CCDC102B: variants seen among roughly 807,000 people sequenced by gnomAD.
CCDC102B encodes the protein coiled-coil domain containing 102B, also known as coiled-coil domain-containing protein 102B.
CCDC102B carries 75 observed loss-of-function variants against 57.4 expected under a neutral mutation model. The observed-to-expected ratio is 1.31, with a 90% CI of 1.08 to 1.58. CCDC102B has a LOEUF of 1.58. CCDC102B is among the 40% of genes most tolerant of loss of function. The pLI is 0.00. For missense variants in CCDC102B, 636 were observed against 582.6 expected (o/e 1.09, Z -0.94); for synonymous variants, 206 against 201.9 (o/e 1.02, Z -0.17).
chr18:68,846,169 A>G (rs946781489), intron 3 of CCDC102B, 144 bp from the exon 4 acceptor site: 4 of 416,370 alleles, frequency 9.6e-6, no homozygotes, highest in East Asian at 7.6e-5. Context: ...ATAATTTTTA[A>G]TGAGTTGCAA....
chr18:68,813,290 C>T (rs900400290), intron 1 of CCDC102B, among the ~76,000 whole-genome samples: 3 of 152,070 alleles, frequency 2.0e-5, no homozygotes, highest in African/African-American at 7.2e-5. Flanking sequence ...CCTCCCCAGT[C>T]ATGTGGAAAT....
At chr18:68,767,045 G>C (rs1335112880) in intron 2 of CCDC102B, among the ~76,000 whole-genome samples, 1 of 152,202 alleles carries the variant, frequency 6.6e-6, no homozygotes, top group Non-Finnish European at 1.5e-5. Context: ...AACTGGAAAT[G>C]TAATATGCTC....
At chr18:68,732,351 C>T (rs1787261) in intron 2 of CCDC102B, among the ~76,000 whole-genome samples, 107,807 of 147,730 alleles carry the variant, frequency 0.73, 42,401 homozygotes, top group South Asian at 0.9. Context: ...TTTTTTTTCT[C>T]TCTCTCTTTT....
chr18:68,925,198 T>C (rs1290144304), intron 6 of CCDC102B, among the ~76,000 whole-genome samples: 2 of 152,108 alleles, frequency 1.3e-5, no homozygotes, highest in Non-Finnish European at 2.9e-5. Flanking sequence ...TAGAAATATG[T>C]ATAAAACTAT....
chr18:68,879,051 G>A (rs2039568568), intron 5 of CCDC102B, among the ~76,000 whole-genome samples: 1 of 151,974 alleles, frequency 6.6e-6, no homozygotes, highest in Non-Finnish European at 1.5e-5. Context: ...GAGTGAAGCT[G>A]CAGACCTTCG....
At chr18:69,041,711 A>G (rs887290630) in intron 7 of CCDC102B, among the ~76,000 whole-genome samples, 2 of 151,968 alleles carry the variant, frequency 1.3e-5, no homozygotes, top group Non-Finnish European at 2.9e-5. Flanking sequence ...AATTTTTTCA[A>G]ATAACCACCT....
At chr18:68,997,669 A>G (rs1421730021) in intron 6 of CCDC102B, among the ~76,000 whole-genome samples, 1 of 151,882 alleles carries the variant, frequency 6.6e-6, no homozygotes, top group Non-Finnish European at 1.5e-5. Context: ...GATCTTTTAT[A>G]TATTTATTTA....
chr18:68,834,454 T>TATATATATATATATATA (rs1568275774), intron 1 of CCDC102B, among the ~76,000 whole-genome samples: 4 of 146,866 alleles, frequency 2.7e-5, no homozygotes, highest in Non-Finnish European at 4.5e-5. Context: ...TATATATATA[T>TATATATATATATATATA]TTGCTGTGTT....
chr18:69,012,393 A>T (rs757185389), intron 7 of CCDC102B, among the ~76,000 whole-genome samples: 8 of 152,170 alleles, frequency 5.3e-5, no homozygotes, highest in Non-Finnish European at 1.2e-4. Context: ...TCGTGGACTA[A>T]TGAAGTGCTA....
chr18:68,758,556 A>G, intron 2 of CCDC102B, among the ~76,000 whole-genome samples: 1 of 152,028 alleles, frequency 6.6e-6, no homozygotes, highest in East Asian at 1.9e-4. Context: ...GTTATAATCT[A>G]TAATGTAAGC....
chr18:68,933,872 T>C (rs1199303510), intron 6 of CCDC102B, among the ~76,000 whole-genome samples: 2 of 151,720 alleles, frequency 1.3e-5, no homozygotes, highest in African/African-American at 4.8e-5. Flanking sequence ...CAAAGAAAAA[T>C]CCATAACAAC....
chr18:68,777,931 TG>T (rs1468951574), intron 2 of CCDC102B, among the ~76,000 whole-genome samples: 2 of 152,182 alleles, frequency 1.3e-5, no homozygotes, highest in African/African-American at 4.8e-5. Flanking sequence ...TCCCATTACT[TG>T]CTGTTAGGTT....
In CCDC102B at chr18:69,034,363, G is replaced by A. The variant is rs374904597; in HGVS notation, c.1435-19667G>A. Among the ~76,000 whole-genome samples, 6 of 151,928 alleles carry A rather than the reference G, an allele frequency of 3.9e-5. No homozygotes were observed. The East Asian group carries it at 9.7e-4, about 25-fold the overall frequency. On this transcript the variant is annotated intron_variant, in intron 7 of 7. Transcript: ENST00000360242. Reference sequence around the variant, plus strand: ...TTTTAGCTCTCACATTTGGGTCTATGATCTCTTCTGAGTTACCTTTGGGGA... The same window carrying A: ...TTTTAGCTCTCACATTTGGGTCTATAATCTCTTCTGAGTTACCTTTGGGGA...
intron 6 of CCDC102B, among the ~76,000 whole-genome samples, chr18:68,995,194 A>G (rs866269493): frequency 6.6e-6 from 1 of 152,162 alleles, no homozygotes; most frequent in East Asian, 1.9e-4. Flanking sequence ...GTTGGAACTT[A>G]TGTTTAAAAG....
rs151204242 is a variant in CCDC102B at position 69,026,352 on chromosome 18, A to G, written c.1434+15248A>G. On this transcript the variant is annotated intron_variant, in intron 7 of 7. Transcript: ENST00000360242. ...TATGGTGGTGCGGACCTGTAATCCC[A>G]GCTACTCAGGAGGCTGAGGCAGGAG... 4.3e-3 allele frequency among the ~76,000 whole-genome samples: 648 copies of G among 151,760 alleles called. 8 individuals carry two copies. Among genetic ancestry groups the G allele is most frequent in the South Asian group, 0.026 (126 of 4,790 alleles).
At chr18:68,980,521 A>T (rs1455576346) in intron 6 of CCDC102B, among the ~76,000 whole-genome samples, 1 of 151,976 alleles carries the variant, frequency 6.6e-6, no homozygotes, top group African/African-American at 2.4e-5. Flanking sequence ...AGAAAGATTA[A>T]TTTTTTGTTT....
At chr18:68,998,820 A>G (rs531912930) in intron 6 of CCDC102B, among the ~76,000 whole-genome samples, 1 of 152,106 alleles carries the variant, frequency 6.6e-6, no homozygotes, top group African/African-American at 2.4e-5. Flanking sequence ...GTGCCTACCC[A>G]GACTGAGGGT....
At chr18:68,969,721 A>G (rs1202414559) in intron 6 of CCDC102B, among the ~76,000 whole-genome samples, 1 of 151,742 alleles carries the variant, frequency 6.6e-6, no homozygotes, top group Non-Finnish European at 1.5e-5. Context: ...CTCCAATTTC[A>G]TAGTTTGACA....
chr18:68,851,166 A>G (rs879555281), intron 4 of CCDC102B, among the ~76,000 whole-genome samples: 5 of 152,220 alleles, frequency 3.3e-5, no homozygotes, highest in Admixed American at 2.6e-4. Context: ...CTTAATAGCT[A>G]TAAATGCTTA....
Sources: gnomAD v4.1 joint callset for allele counts (sites outside exome capture counted in the v4.1 genomes callset) on GRCh38, gnomAD v4.1.1 for gene constraint, MANE v1.5 for transcripts, NCBI Gene and HGNC (gene_info 2026-07-23, HGNC 2026-07-21) for gene names.